TENM2: variants seen among roughly 807,000 people sequenced by gnomAD.
TENM2 encodes the protein teneurin transmembrane protein 2.
In TENM2, 52 loss-of-function variants were observed where a neutral mutation model predicts 245.2. The ratio of observed to expected loss-of-function variants is 0.21; its 90% CI spans 0.17 to 0.27. The LOEUF is 0.27. TENM2 is among the 10% of genes least tolerant of loss of function. The pLI, the probability that TENM2 is intolerant of heterozygous loss-of-function variation, is 1.00. For missense variants in TENM2, 3,046 were observed against 3,666.8 expected, an observed-to-expected ratio of 0.83 and a Z score of 4.37; for synonymous variants, 1,363 against 1,438.9, an observed-to-expected ratio of 0.95 and a Z score of 1.19.
At chr5:167,953,966 T>TTTTAAAGA (rs1281673081) in intron 4 of TENM2, among the ~76,000 whole-genome samples, 1 of 152,162 alleles carries the variant, frequency 6.6e-6, no homozygotes, top group Admixed American at 6.5e-5. Context: ...TTCTGACAAT[T>TTTTAAAGA]ATAGGATTTT....
chr5:167,229,188 A>C, the TENM2 span, among the ~76,000 whole-genome samples: 1 of 152,194 alleles, frequency 6.6e-6, no homozygotes, highest in Non-Finnish European at 1.5e-5. Context: ...CTTAGGGTAT[A>C]GTTATTAGTG....
At chr5:167,515,302 G>A (rs1331137028) in intron 2 of TENM2, among the ~76,000 whole-genome samples, 1 of 152,146 alleles carries the variant, frequency 6.6e-6, no homozygotes, top group Admixed American at 6.5e-5. Context: ...CATGTAGACT[G>A]CAAGTAGAGT....
Position 168,247,649 on chromosome 5 carries a change from C to T in TENM2, c.6710C>T (p.Pro2237Leu), listed in dbSNP as rs1190921341. The change falls in exon 27 of 29, where the codon CCA (proline) becomes CTA (leucine). Residue 2237 changes from proline to leucine, a missense_variant. Physicochemically the swap from Pro to Leu is moderately conservative, Grantham distance 98 (BLOSUM62 -3). Coordinates refer to ENST00000518659, the Ensembl canonical transcript of TENM2. This position sits in a 1 kb window ranked among gnomAD's most constrained non-coding sequence, Gnocchi z 7.8. Reference sequence around the variant, plus strand: ...AATGGGAATCTCCACTTACTGAACCCAGGCAACAGTGTGCGCCTCATGCCC... The same window carrying T: ...AATGGGAATCTCCACTTACTGAACCTAGGCAACAGTGTGCGCCTCATGCCC... The T allele has an allele frequency of 3.1e-6, 5 of 1,613,908 alleles. No individual in the cohort carries two copies. The East Asian group carries it at 1.1e-4, about 36-fold the overall frequency.
At chr5:167,012,573 A>T in the TENM2 span, among the ~76,000 whole-genome samples, 3 of 152,218 alleles carry the variant, frequency 2.0e-5, no homozygotes, top group Non-Finnish European at 4.4e-5. Flanking sequence ...GTAATGAGAT[A>T]CAACCACACA....
intron 3 of TENM2, among the ~76,000 whole-genome samples, chr5:167,876,401 A>AACGG: frequency 6.6e-6 from 1 of 152,172 alleles, no homozygotes; most frequent in Non-Finnish European, 1.5e-5. Flanking sequence ...TGCTTATCTT[A>AACGG]ACAGGATTTG....
chr5:167,788,343 C>T (rs767728514), intron 2 of TENM2, among the ~76,000 whole-genome samples: 1 of 152,160 alleles, frequency 6.6e-6, no homozygotes, highest in Admixed American at 6.5e-5. Context: ...GATTTACTCG[C>T]AAGGATTATT....
intron 2 of TENM2, among the ~76,000 whole-genome samples, chr5:167,697,750 C>G (rs1757864451): frequency 6.6e-6 from 1 of 152,162 alleles, no homozygotes; most frequent in African/African-American, 2.4e-5. Flanking sequence ...GTCTCGAACT[C>G]CTGACCTCAG....
chr5:167,779,672 A>T (rs965196707), intron 2 of TENM2, among the ~76,000 whole-genome samples: 1 of 152,230 alleles, frequency 6.6e-6, no homozygotes. Context: ...GAGTTTTAGG[A>T]TATGTATCAG....
At chr5:167,519,189 A>C (rs1208879923) in intron 2 of TENM2, among the ~76,000 whole-genome samples, 1 of 152,128 alleles carries the variant, frequency 6.6e-6, no homozygotes, top group Non-Finnish European at 1.5e-5. Context: ...TGGTTGTCTC[A>C]TGGAGTCATA....
the TENM2 span, among the ~76,000 whole-genome samples, chr5:167,053,260 T>C: frequency 6.6e-6 from 1 of 152,340 alleles, no homozygotes; most frequent in South Asian, 2.1e-4. Flanking sequence ...TTACAAAATA[T>C]GCTCTTTTCT....
chr5:167,232,670 C>G, the TENM2 span, among the ~76,000 whole-genome samples: 2 of 152,200 alleles, frequency 1.3e-5, no homozygotes, highest in Non-Finnish European at 2.9e-5. Flanking sequence ...CACGCCCAGC[C>G]TAAACCTCTT....
intron 2 of TENM2, among the ~76,000 whole-genome samples, chr5:167,576,845 T>TA (rs1029513701): frequency 7.2e-5 from 11 of 152,180 alleles, no homozygotes; most frequent in Admixed American, 5.2e-4. Context: ...GATCTACCCG[T>TA]AAAAAACAAT....
the TENM2 span, among the ~76,000 whole-genome samples, chr5:167,180,963 A>C: frequency 7.3e-5 from 11 of 150,674 alleles, no homozygotes; most frequent in East Asian, 1.4e-3. Context: ...AAAACAAAAA[A>C]CAAAAACCAA....
At chr5:166,984,480 T>C in the TENM2 span, among the ~76,000 whole-genome samples, 1 of 150,080 alleles carries the variant, frequency 6.7e-6, no homozygotes, top group Non-Finnish European at 1.5e-5. Context: ...AGTGTCTATG[T>C]GGAAAAAAAA....
At chr5:168,204,766 G>A in intron 19 of TENM2, 145 bp downstream of exon 21, 1 of 1,081,136 alleles carries the variant, frequency 9.2e-7, no homozygotes, top group African/African-American at 1.6e-5. Flanking sequence ...ATCAAATAAG[G>A]AGGTGGGAAA....
rs1763422212 is a variant in TENM2, at chr5:168,218,786, A to G, written c.4895A>G (p.Asn1632Ser). The change falls in exon 23 of 29, where the codon AAT becomes AGT. Residue 1632 changes from asparagine (N) to serine (S), a missense_variant. Physicochemically the swap from Asn to Ser is conservative, Grantham distance 46. Transcript: ENST00000518659. The surrounding 1 kb of genome is among the most constrained non-coding windows in gnomAD (Gnocchi z 5.2). ...GATGTCACTGAATTGATTGACAATA[A>G]TGGGAATTCCCTGAAGATCCGTCGG... The G allele has an allele frequency of 6.2e-7, 1 of 1,614,014 alleles. No homozygotes were observed. Among genetic ancestry groups the G allele is most frequent in the Non-Finnish European group, 8.5e-7 (1 of 1,179,890 alleles).
At chr5:167,439,841 T>C (rs935918921) in intron 2 of TENM2, among the ~76,000 whole-genome samples, 1 of 152,180 alleles carries the variant, frequency 6.6e-6, no homozygotes, top group African/African-American at 2.4e-5. Flanking sequence ...TAACAACCTA[T>C]ATATTTTATG....
At chr5:168,216,591 C>A (rs1402506922) in intron 21 of TENM2, among the ~76,000 whole-genome samples, 177 bp from the exon 24 acceptor site, 2 of 152,092 alleles carry the variant, frequency 1.3e-5, no homozygotes, top group Non-Finnish European at 2.9e-5. Context: ...CAGCACAGTG[C>A]CCATGGGAAA....
At chr5:167,112,733 A>T in the TENM2 span, among the ~76,000 whole-genome samples, 1 of 152,208 alleles carries the variant, frequency 6.6e-6, no homozygotes, top group African/African-American at 2.4e-5. Context: ...GAATCTCACG[A>T]ATTGACAGTG....
Sources: allele counts gnomAD v4.1 joint callset (sites outside exome capture counted in the v4.1 genomes callset), GRCh38; gene constraint gnomAD v4.1.1; non-coding constraint Gnocchi (gnomAD v3.1); transcripts MANE v1.5; gene names NCBI Gene and HGNC (gene_info 2026-07-23, HGNC 2026-07-21).